Variants in RMND5B observed in about 807,000 individuals in gnomAD.
The protein encoded by RMND5B is E3 ubiquitin-protein transferase RMND5B.
Under a neutral mutation model 50.4 loss-of-function variants are expected in RMND5B, and 42 were observed. The observed-to-expected ratio is 0.83, with a 90% CI of 0.65 to 1.08. The LOEUF (loss-of-function observed/expected upper bound fraction) is 1.08, where lower values mean the gene tolerates loss of function less well. Among genes scored for constraint, RMND5B ranks in the 50% least tolerant of loss-of-function variants. RMND5B has a pLI of 0.00. For synonymous variants in RMND5B, 220 were observed against 210.0 expected (o/e 1.05, Z -0.41); for missense variants, 463 against 508.5 (o/e 0.91, Z 0.86).
In RMND5B at chr5:178,146,140, G is replaced by T. The variant is rs141123042; in HGVS notation, c.721G>T (p.Val241Leu). 1.2e-6 allele frequency: 2 copies of T among 1,614,156 alleles called. No homozygotes were observed. The highest frequency in any genetic ancestry group is 1.7e-6 in the Non-Finnish European group (2 of 1,180,022). The change falls in exon 8 of 11, where the codon GTG becomes TTG. Residue 241 changes from valine (V) to leucine (L), a missense_variant. Val to Leu is a conservative substitution (Grantham distance 32). Coordinates refer to ENST00000313386, the MANE Select transcript of RMND5B (RefSeq NM_022762.5). ...REIQVMMGSL[V>L]YLRLGLEKSP... ...GATCCAGGTGATGATGGGCAGCCTGGTGTACCTGCGGCTGGGCTTGGAGAA... is the reference window on the plus strand; with the variant it reads ...GATCCAGGTGATGATGGGCAGCCTGTTGTACCTGCGGCTGGGCTTGGAGAA...
intron 7 of RMND5B, among the ~76,000 whole-genome samples, chr5:178,144,911 C>A (rs1040168155): frequency 6.6e-6 from 1 of 152,136 alleles, no homozygotes; most frequent in African/African-American, 2.4e-5. Flanking sequence ...TCCTGTCATG[C>A]TAGAATTTCC....
At chr5:178,147,935 C>T (rs1756123629) in intron 10 of RMND5B, 34 bp from the exon 11 acceptor site, 2 of 1,613,970 alleles carry the variant, frequency 1.2e-6, no homozygotes, top group African/African-American at 1.3e-5. Context: ...TACTGGCCAC[C>T]CCTGAGACGT....
chr5:178,143,907 C>T (rs1410763508), intron 6 of RMND5B, 35 bp from the exon 7 acceptor site: 1 of 1,608,358 alleles, frequency 6.2e-7, no homozygotes, highest in South Asian at 1.1e-5. Flanking sequence ...CTAGCCCCCA[C>T]CAGCTCTACA....
rs375275146 is a variant in RMND5B at position 178,147,709 on chromosome 5, C to T, written c.964-20C>T. The T allele has an allele frequency of 4.0e-5, 65 of 1,613,958 alleles. No homozygotes were observed. Among genetic ancestry groups the T allele is most frequent in the Middle Eastern group, 3.3e-4 (2 of 6,084 alleles). On this transcript the variant is annotated intron_variant, in intron 9 of 10. Transcript: ENST00000313386. ...GCCATGACAGGAAGTGGAACTCACC[C>T]GCTTCGCTGCCCTTCCCAGATTGAG...
At chr5:178,140,265 C>T (rs1443694263) in intron 3 of RMND5B, among the ~76,000 whole-genome samples, 1 of 152,120 alleles carries the variant, frequency 6.6e-6, no homozygotes, top group East Asian at 1.9e-4. Context: ...GCTTGACCTC[C>T]TGGGCTCAAG....
At chr5:178,140,372 C>T (rs1581119464) in intron 3 of RMND5B, among the ~76,000 whole-genome samples, 1 of 150,598 alleles carries the variant, frequency 6.6e-6, no homozygotes, top group Non-Finnish European at 1.5e-5. Flanking sequence ...GAGACAGGGT[C>T]TCCCTATGCT....
chr5:178,142,812 G>C, intron 4 of RMND5B, 40 bp from the exon 5 acceptor site: 1 of 1,614,258 alleles, frequency 6.2e-7, no homozygotes, highest in Non-Finnish European at 8.5e-7. Flanking sequence ...GCCAGCAAGA[G>C]TGCCCGCATC....
intron 2 of RMND5B, among the ~76,000 whole-genome samples, chr5:178,132,848 C>CT (rs1285151302): frequency 4.0e-4 from 45 of 112,658 alleles, no homozygotes; most frequent in Admixed American, 1.6e-3. Context: ...GTTGTCTAAT[C>CT]TTTTTTTTTT....
chr5:178,145,787 GT>G (rs1391917023), intron 7 of RMND5B, among the ~76,000 whole-genome samples: 17 of 152,218 alleles, frequency 1.1e-4, no homozygotes, highest in Non-Finnish European at 2.2e-4. Flanking sequence ...GGAGATTAGT[GT>G]GGAGACACCA....
Position 178,142,662 on chromosome 5 carries a change from G to A in RMND5B, c.219G>A (p.Gln73=). 6.2e-7 allele frequency: 1 copy of A among 1,614,248 alleles called. No individual in the cohort carries two copies. Among genetic ancestry groups the A allele is most frequent in the Non-Finnish European group, 8.5e-7 (1 of 1,180,050 alleles). ...QCCRKIKDTV[Q]KLASDHKDIH... ...GCCGGAAGATCAAAGATACGGTGCA[G>A]AAACTGGCTTCGGACCATAAGGACA... The change falls in exon 4 of 11, where the codon CAG becomes CAA. Residue 73 remains glutamine (Q), a synonymous_variant. Transcript: ENST00000313386.
intron 3 of RMND5B, among the ~76,000 whole-genome samples, chr5:178,139,414 C>T (rs1758795077): frequency 6.6e-6 from 1 of 151,980 alleles, no homozygotes; most frequent in South Asian, 2.1e-4. Flanking sequence ...GACATGTTGG[C>T]TAGGCTGGTC....
chr5:178,136,066 G>A (rs1758607951), intron 2 of RMND5B: 2 of 152,184 alleles, frequency 1.3e-5, no homozygotes, highest in African/African-American at 4.8e-5. Flanking sequence ...CCTGTGATGT[G>A]AAGTACGTAG....
chr5:178,147,665 A>G (rs755119201), intron 9 of RMND5B, 30 bp downstream of exon 9: 4 of 1,613,950 alleles, frequency 2.5e-6, no homozygotes, highest in Non-Finnish European at 3.4e-6. Context: ...ATCGTGGGCA[A>G]GAGGTACTGG....
In RMND5B at chr5:178,131,238, T is replaced by A. The variant is rs1216878827; in HGVS notation, c.-151T>A. ...CCCTTGGGCTTGTTCTCTTCGCAGTTGTCGGCCCTGGGCCGGGAGCTGGAG... is the reference window on the plus strand; with the variant it reads ...CCCTTGGGCTTGTTCTCTTCGCAGTAGTCGGCCCTGGGCCGGGAGCTGGAG... On this transcript the variant is annotated splice_region_variant and 5_prime_UTR_variant, in exon 2 of 11. Coordinates refer to ENST00000313386, the MANE Select transcript of RMND5B (RefSeq NM_022762.5). 1.3e-5 allele frequency: 2 copies of A among 151,832 alleles called. No individual in the cohort carries two copies. The highest frequency in any genetic ancestry group is 4.8e-5 in the African/African-American group (2 of 41,340). 9.4% of individuals were successfully genotyped at this position (151,832 alleles called of 1,614,324 possible).
Position 178,150,150 on chromosome 5 carries a change from G to A in RMND5B, c.*2118G>A, listed in dbSNP as rs958030632. Reference sequence around the variant, plus strand: ...ATCTGGCCCCTGTTACGTAAGATAAGGACAGCTACAGGTCCCTCTGAGCCT... The same window carrying A: ...ATCTGGCCCCTGTTACGTAAGATAAAGACAGCTACAGGTCCCTCTGAGCCT... On this transcript the variant is annotated 3_prime_UTR_variant, in exon 11 of 11. Transcript: ENST00000313386. 13 of 293,366 alleles carry A rather than the reference G, an allele frequency of 4.4e-5. No individual in the cohort carries two copies. The highest frequency in any genetic ancestry group is 2.9e-4 in the African/African-American group (13 of 45,234). 18.2% of individuals were successfully genotyped at this position (293,366 alleles called of 1,614,324 possible).
chr5:178,134,906 G>C (rs1254567391), intron 2 of RMND5B, among the ~76,000 whole-genome samples: 1 of 151,542 alleles, frequency 6.6e-6, no homozygotes, highest in African/African-American at 2.4e-5. Flanking sequence ...GGACCCGGGA[G>C]GTGGAGGTTG....
chr5:178,135,899 TC>T (rs1196843264), intron 2 of RMND5B: 1 of 152,252 alleles, frequency 6.6e-6, no homozygotes, highest in Non-Finnish European at 1.5e-5. Flanking sequence ...CATTCTAGTG[TC>T]CTGCCATCTT....
rs761439854 is a variant in RMND5B, at chr5:178,147,572, C to T, written c.900C>T (p.Asn300=). The change falls in exon 9 of 11, where the codon AAC becomes AAT. Residue 300 remains asparagine, a synonymous_variant. Coordinates refer to ENST00000313386, the MANE Select transcript of RMND5B (RefSeq NM_022762.5). ...GTGTGGCGCTGCCTGTGTTGATGAA[C>T]ATCAAGGCTGTGATTGAGCAGCGGC... ...SGCVALPVLM[N]IKAVIEQRQC... 4.2e-5 allele frequency: 67 copies of T among 1,614,036 alleles called. No individual in the cohort carries two copies. The highest frequency in any genetic ancestry group is 5.5e-5 in the Non-Finnish European group (65 of 1,180,040).
chr5:178,135,332 C>A (rs1039646258), intron 2 of RMND5B: 9 of 189,590 alleles, frequency 4.7e-5, no homozygotes, highest in Non-Finnish European at 1.1e-4. Flanking sequence ...CCGTGTTGCC[C>A]AAGCTAGTCT....
Sources: allele counts gnomAD v4.1 joint callset (sites outside exome capture counted in the v4.1 genomes callset), GRCh38; gene constraint gnomAD v4.1.1; transcripts MANE v1.5; gene names NCBI Gene and HGNC (gene_info 2026-07-23, HGNC 2026-07-21).